SYN3: variants seen among roughly 807,000 people sequenced by gnomAD.
The protein encoded by SYN3 is synapsin III.
A neutral mutation model predicts 65.8 loss-of-function variants in SYN3; 35 were observed. That is an observed-to-expected ratio of 0.53 (90% CI 0.41 to 0.70). The LOEUF (loss-of-function observed/expected upper bound fraction) is 0.70, where lower values mean the gene tolerates loss of function less well. Among genes scored for constraint, SYN3 ranks in the 30% least tolerant of loss-of-function variants. The pLI is 0.00. For synonymous variants in SYN3, 270 were observed against 292.9 expected (o/e 0.92, Z 0.80); for missense variants, 680 against 749.0 (o/e 0.91, Z 1.08).
chr22:33,055,013 T>C (rs1347743030), intron 1 of SYN3, among the ~76,000 whole-genome samples: 7 of 152,212 alleles, frequency 4.6e-5, no homozygotes, highest in Non-Finnish European at 8.8e-5. Context: ...CAGACACCAA[T>C]ATATATCTCA....
intron 6 of SYN3, among the ~76,000 whole-genome samples, chr22:32,635,393 G>A (rs184423847): frequency 9.7e-4 from 147 of 152,292 alleles, no homozygotes; most frequent in Middle Eastern, 6.8e-3. Flanking sequence ...GGTTGAACTA[G>A]GTGGATGAGC....
chr22:32,688,210 T>C (rs932033441), intron 6 of SYN3, among the ~76,000 whole-genome samples: 1 of 152,150 alleles, frequency 6.6e-6, no homozygotes, highest in Non-Finnish European at 1.5e-5. Context: ...CATGTTCAGA[T>C]GAGGAAACTG....
chr22:32,905,591 A>G (rs561330064), intron 4 of SYN3, among the ~76,000 whole-genome samples: 34 of 152,382 alleles, frequency 2.2e-4, no homozygotes, highest in African/African-American at 7.9e-4. Flanking sequence ...GCGCATTGCC[A>G]GGAGGGCATG....
At chr22:32,627,804 G>A (rs901921748) in intron 6 of SYN3, among the ~76,000 whole-genome samples, 2 of 147,252 alleles carry the variant, frequency 1.4e-5, no homozygotes, top group South Asian at 4.2e-4. Context: ...TACAAACACA[G>A]AGGAGCATTT....
At chr22:33,019,364 T>C (rs1301411008) in intron 1 of SYN3, among the ~76,000 whole-genome samples, 1 of 152,180 alleles carries the variant, frequency 6.6e-6, no homozygotes, top group Non-Finnish European at 1.5e-5. Context: ...CCATGAAACC[T>C]GTAACTGGGA....
chr22:32,975,592 G>A (rs1206996732), intron 3 of SYN3, among the ~76,000 whole-genome samples: 1 of 152,050 alleles, frequency 6.6e-6, no homozygotes, highest in African/African-American at 2.4e-5. Context: ...GCAACCAGCC[G>A]AACCTGCACT....
At position 33,053,620 on chromosome 22, in the gene SYN3, C is replaced by T. The variant is rs1272747592; in HGVS notation, c.-163+4672G>A. ...GAGAATGCCAGGAACCTGGGAGGAA[C>T]GGGGAAATGAAGACAATGGTGGATT... On this transcript the variant is annotated intron_variant, in intron 1 of 13. Coordinates refer to ENST00000358763, the MANE Select transcript of SYN3 (RefSeq NM_003490.4). 2.0e-5 allele frequency among the ~76,000 whole-genome samples: 3 copies of T among 152,110 alleles called. 1 individual carries two copies. Among genetic ancestry groups the T allele is most frequent in the South Asian group, 4.1e-4 (2 of 4,824 alleles).
chr22:32,559,832 CAAAAAAA>C (rs35916830), intron 7 of SYN3, among the ~76,000 whole-genome samples: 1 of 96,096 alleles, frequency 1.0e-5, no homozygotes, highest in Non-Finnish European at 2.2e-5. Flanking sequence ...TCCGTCTCAA[CAAAAAAA>C]AAAAAAAAGA....
At chr22:33,057,636 GCCCCAGAAGCT>G (rs1429472757) in intron 1 of SYN3, 1 of 152,594 alleles carries the variant, frequency 6.6e-6, no homozygotes, top group African/African-American at 2.4e-5. Context: ...GTCCCTCTTA[GCCCCAGAAGCT>G]CCCCAAAGGC....
chr22:32,823,275 G>A (rs2047306456), intron 6 of SYN3, among the ~76,000 whole-genome samples: 1 of 152,212 alleles, frequency 6.6e-6, no homozygotes, highest in Non-Finnish European at 1.5e-5. Context: ...TTGCTCTTAC[G>A]GACCTGACGC....
intron 1 of SYN3, among the ~76,000 whole-genome samples, chr22:33,042,298 A>G (rs2053978643): frequency 6.6e-6 from 1 of 152,198 alleles, no homozygotes; most frequent in South Asian, 2.1e-4. Context: ...CTTGGAAATA[A>G]AAGTGTGGGG....
intron 6 of SYN3, among the ~76,000 whole-genome samples, chr22:32,757,328 G>T (rs5754252): frequency 3.0e-5 from 4 of 134,026 alleles, no homozygotes; most frequent in African/African-American, 2.9e-5. Flanking sequence ...GTGGAGTTTT[G>T]CTCTTCTTGC....
intron 3 of SYN3, among the ~76,000 whole-genome samples, chr22:32,947,104 G>C (rs1165738552): frequency 1.3e-5 from 2 of 152,196 alleles, no homozygotes; most frequent in Admixed American, 1.3e-4. Flanking sequence ...TCTAAATCTT[G>C]AATTTGACAC....
intron 6 of SYN3, among the ~76,000 whole-genome samples, chr22:32,641,184 G>A (rs2059892849): frequency 6.6e-6 from 1 of 152,224 alleles, no homozygotes; most frequent in Non-Finnish European, 1.5e-5. Context: ...CAGTCAGGCA[G>A]GGCTGGCCTC....
chr22:32,526,110 T>C lies in SYN3; in HGVS notation c.1318+1808A>G, dbSNP rs2057972609. Among the ~76,000 whole-genome samples, 3 of 152,340 alleles carry C rather than the reference T, an allele frequency of 2.0e-5. No homozygotes were observed. In the South Asian group the frequency reaches 6.2e-4, roughly 32 times the overall value. ...TCATTAAGGTATGTACTTTGTTTTTTTCAGACATAATGCTATTGTACTTAA... is the reference window on the plus strand; with the variant it reads ...TCATTAAGGTATGTACTTTGTTTTTCTCAGACATAATGCTATTGTACTTAA... On this transcript the variant is annotated intron_variant, in intron 12 of 13. Transcript: ENST00000358763.
chr22:33,045,916 A>G (rs538777853), intron 1 of SYN3, among the ~76,000 whole-genome samples: 1 of 152,116 alleles, frequency 6.6e-6, no homozygotes, highest in South Asian at 2.1e-4. Flanking sequence ...ATGATTCTCT[A>G]AAAACATGTC....
chr22:32,642,963 A>T lies in SYN3; in HGVS notation c.712-46227T>A, dbSNP rs369629658. The stretch of plus-strand genomic sequence containing the variant: ...AAATCTACCTAAAAGTTATACTTGT[A>T]TTAATATGCTGATCCATATGGACAT... On this transcript the variant is annotated intron_variant, in intron 6 of 13. Coordinates refer to ENST00000358763, the MANE Select transcript of SYN3 (RefSeq NM_003490.4). 1.3e-3 allele frequency among the ~76,000 whole-genome samples: 194 copies of T among 152,352 alleles called. 2 individuals are homozygous for T. Among genetic ancestry groups the T allele is most frequent in the Middle Eastern group, 3.4e-3 (1 of 294 alleles).
rs371435439 is a variant in SYN3, at chr22:32,541,589, G to A, written c.899C>T (p.Ser300Phe). ...GACTCACATGTAAGCCTTGTAGTTG[G>A]ATCCAATTTTCTGGATGCGGATGTC... Reference protein sequence around the residue: ...KYDIRIQKIGSNYKAYMRTSI... With the variant: ...KYDIRIQKIGFNYKAYMRTSI... Residue 300 changes from serine to phenylalanine, a missense_variant, in exon 8 of 14, where the codon TCC becomes TTC. Transcript: ENST00000358763. The A allele has an allele frequency of 6.2e-7, 1 of 1,613,954 alleles. No homozygotes were observed. The highest frequency in any genetic ancestry group is 1.3e-5 in the African/African-American group (1 of 74,902).
In SYN3 at chr22:32,524,107, G is replaced by C. The variant is rs190560445; in HGVS notation, c.1318+3811C>G. Among the ~76,000 whole-genome samples the C allele has an allele frequency of 1.9e-4, 29 of 152,362 alleles. No individual in the cohort carries two copies. In the East Asian group the frequency reaches 5.0e-3, roughly 26 times the overall value. On this transcript the variant is annotated intron_variant, in intron 12 of 13. Coordinates refer to ENST00000358763, the MANE Select transcript of SYN3 (RefSeq NM_003490.4). ...GGTTGGTGGGTGAAGTCTCAGGAAA[G>C]AAGCCATCTCCATAACAAAAACTGC...
Sources: gnomAD v4.1 joint callset for allele counts (sites outside exome capture counted in the v4.1 genomes callset) on GRCh38, gnomAD v4.1.1 for gene constraint, MANE v1.5 for transcripts, NCBI Gene and HGNC (gene_info 2026-07-23, HGNC 2026-07-21) for gene names.